The following ADGRG7 variants were observed in gnomAD, a reference collection of about 807,000 sequenced individuals.
ADGRG7 encodes the protein G-protein coupled receptor 128.
Under a neutral mutation model 88.6 loss-of-function variants are expected in ADGRG7, and 82 were observed. That is an observed-to-expected ratio of 0.93 (90% CI 0.77 to 1.11). The LOEUF is 1.11. ADGRG7 is among the 50% of genes most tolerant of loss of function. ADGRG7 has a pLI of 0.00. For missense variants in ADGRG7, 945 were observed against 953.4 expected, an observed-to-expected ratio of 0.99 and a Z score of 0.12; for synonymous variants, 381 against 345.2, an observed-to-expected ratio of 1.10 and a Z score of -1.15.
intron 2 of ADGRG7, 106 bp from the exon 3 acceptor site, chr3:100,630,599 A>G (rs1707446743): frequency 4.5e-6 from 2 of 442,434 alleles, no homozygotes; most frequent in Non-Finnish European, 7.5e-6. Flanking sequence ...TAAGCCTTCT[A>G]TTGCCTTTCA....
chr3:100,618,035 T>A (rs1707250704), intron 1 of ADGRG7, among the ~76,000 whole-genome samples: 1 of 152,230 alleles, frequency 6.6e-6, no homozygotes, highest in South Asian at 2.1e-4. Context: ...TGTCTGTTCA[T>A]ATCCTTCGCT....
chr3:100,625,136 AT>A (rs1443145282), intron 1 of ADGRG7, among the ~76,000 whole-genome samples: 1 of 152,124 alleles, frequency 6.6e-6, no homozygotes, highest in Non-Finnish European at 1.5e-5. Flanking sequence ...CAGTATGGCC[AT>A]TTTCATGATA....
At chr3:100,650,661 T>G (rs2094927777) in intron 11 of ADGRG7, among the ~76,000 whole-genome samples, 1 of 152,184 alleles carries the variant, frequency 6.6e-6, no homozygotes, top group Admixed American at 6.6e-5. Flanking sequence ...GTCCCATTAT[T>G]GTTGGCTGTA....
At chr3:100,653,968 G>A (rs2094933910) in intron 11 of ADGRG7, among the ~76,000 whole-genome samples, 1 of 152,192 alleles carries the variant, frequency 6.6e-6, no homozygotes, top group South Asian at 2.1e-4. Context: ...AGGGTGAAAA[G>A]GACAGGGTTA....
At chr3:100,642,236 G>T (rs1468257920) in intron 6 of ADGRG7, among the ~76,000 whole-genome samples, 1 of 152,196 alleles carries the variant, frequency 6.6e-6, no homozygotes, top group East Asian at 1.9e-4. Flanking sequence ...TTGGTAGAAT[G>T]ATATTCTTAG....
At chr3:100,690,217 A>C (rs994759949) in intron 15 of ADGRG7, among the ~76,000 whole-genome samples, 2 of 152,104 alleles carry the variant, frequency 1.3e-5, no homozygotes, top group African/African-American at 4.8e-5. Flanking sequence ...CGTGGTTTTC[A>C]GCTCCATCAC....
At chr3:100,654,664 T>C in intron 11 of ADGRG7, 171 bp from the exon 12 acceptor site, 1 of 537,958 alleles carries the variant, frequency 1.9e-6, no homozygotes, top group Non-Finnish European at 3.3e-6. Flanking sequence ...GAGGAAAGTA[T>C]AGTTTTCTGA....
intron 15 of ADGRG7, among the ~76,000 whole-genome samples, chr3:100,686,234 C>T (rs1339187028): frequency 6.6e-6 from 1 of 151,708 alleles, no homozygotes; most frequent in African/African-American, 2.4e-5. Flanking sequence ...TTGTTTTTTT[C>T]TTGTAAATTT....
At chr3:100,622,407 G>C (rs1576313063) in intron 1 of ADGRG7, among the ~76,000 whole-genome samples, 1 of 151,894 alleles carries the variant, frequency 6.6e-6, no homozygotes, top group Non-Finnish European at 1.5e-5. Context: ...TATTTATGGA[G>C]TCTCTATTCT....
intron 1 of ADGRG7, among the ~76,000 whole-genome samples, chr3:100,612,090 C>T (rs1324343204): frequency 6.6e-6 from 1 of 151,940 alleles, no homozygotes; most frequent in Non-Finnish European, 1.5e-5. Context: ...AATTTTATTG[C>T]ATTCAAAATT....
At chr3:100,677,934 A>C (rs1391978275) in intron 15 of ADGRG7, among the ~76,000 whole-genome samples, 2 of 151,974 alleles carry the variant, frequency 1.3e-5, no homozygotes, top group African/African-American at 4.8e-5. Flanking sequence ...GTGTTCTATA[A>C]TCTTCTTGTA....
chr3:100,647,433 A>T (rs764995163), intron 10 of ADGRG7, among the ~76,000 whole-genome samples: 17 of 152,202 alleles, frequency 1.1e-4, no homozygotes, highest in Non-Finnish European at 2.4e-4. Context: ...TAAATCAGTT[A>T]CCCAAAGCTT....
chr3:100,689,973 C>T (rs149995413), intron 15 of ADGRG7, among the ~76,000 whole-genome samples: 1 of 152,168 alleles, frequency 6.6e-6, no homozygotes, highest in Non-Finnish European at 1.5e-5. Context: ...AGAGTGTTTT[C>T]CAACTTGGTT....
At chr3:100,648,038 A>G (rs1189028056) in intron 10 of ADGRG7, among the ~76,000 whole-genome samples, 1 of 152,212 alleles carries the variant, frequency 6.6e-6, no homozygotes, top group Non-Finnish European at 1.5e-5. Context: ...TTTGTATTAC[A>G]GAGAGATCTG....
At position 100,687,111 on chromosome 3, in the gene ADGRG7, G is replaced by A. The variant is rs564215073; in HGVS notation, c.2137-7633G>A. 3.8e-4 allele frequency among the ~76,000 whole-genome samples: 58 copies of A among 152,262 alleles called. No individual in the cohort carries two copies. The South Asian group carries it at 8.9e-3, about 23-fold the overall frequency. On this transcript the variant is annotated intron_variant, in intron 15 of 15. Transcript: ENST00000273352. The stretch of plus-strand genomic sequence containing the variant: ...GGTCCTTCACATCCCTTGTACATTA[G>A]ATTCCTAGGTATTTTATTCTCTTAG...
Position 100,655,901 on chromosome 3 carries a change from G to T in ADGRG7, c.1729G>T (p.Val577Phe), listed in dbSNP as rs756354767. The change falls in exon 13 of 16, where the codon GTC becomes TTC. Residue 577 changes from valine (V) to phenylalanine (F), a missense_variant and splice_region_variant. Coordinates refer to ENST00000273352, the MANE Select transcript of ADGRG7 (RefSeq NM_032787.3). ...ILFISLIGWG[V>F]PAIVVAITVG... The stretch of plus-strand genomic sequence containing the variant: ...ATGTGCCTCTCTTTATCACATAGGA[G>T]TCCCAGCTATAGTAGTGGCTATAAC... 2.0e-5 allele frequency: 31 copies of T among 1,556,506 alleles called. No individual in the cohort carries two copies. Among genetic ancestry groups the T allele is most frequent in the Non-Finnish European group, 2.7e-5 (30 of 1,128,468 alleles).
In ADGRG7 at chr3:100,687,472, C is replaced by T. The variant is rs557174244; in HGVS notation, c.2137-7272C>T. On this transcript the variant is annotated intron_variant, in intron 15 of 15. Transcript: ENST00000273352. Reference sequence around the variant, plus strand: ...CTTGTGCCAGTTTTCAAAGGGAATGCTTCCAGTTTTTGCCCATTCAGTATG... The same window carrying T: ...CTTGTGCCAGTTTTCAAAGGGAATGTTTCCAGTTTTTGCCCATTCAGTATG... Among the ~76,000 whole-genome samples, 1,059 of 152,264 alleles carry T rather than the reference C, an allele frequency of 7.0e-3. 10 individuals carry two copies. Among genetic ancestry groups the T allele is most frequent in the African/African-American group, 0.024 (999 of 41,526 alleles).
chr3:100,680,111 T>A (rs920288578), intron 15 of ADGRG7, among the ~76,000 whole-genome samples: 2 of 152,220 alleles, frequency 1.3e-5, no homozygotes, highest in Non-Finnish European at 2.9e-5. Flanking sequence ...ATTTGTATAT[T>A]TCCTTAATTC....
At chr3:100,611,263 C>T (rs1415845438) in intron 1 of ADGRG7, among the ~76,000 whole-genome samples, 5 of 129,690 alleles carry the variant, frequency 3.9e-5, no homozygotes, top group African/African-American at 1.4e-4. Flanking sequence ...TTCCTTCCTT[C>T]CTTCCTTCCT....
Sources: allele counts gnomAD v4.1 joint callset (sites outside exome capture counted in the v4.1 genomes callset), GRCh38; gene constraint gnomAD v4.1.1; transcripts MANE v1.5; gene names NCBI Gene and HGNC (gene_info 2026-07-23, HGNC 2026-07-21).